CA10: variants seen among roughly 807,000 people sequenced by gnomAD.
CA10 encodes the protein carbonic anhydrase 10 (inactive), also known as carbonic anhydrase-related protein 10.
CA10 carries 14 observed loss-of-function variants against 44.2 expected under a neutral mutation model. That is an observed-to-expected ratio of 0.32 (90% confidence interval 0.21 to 0.50). The LOEUF (loss-of-function observed/expected upper bound fraction) is 0.50. Among genes scored for constraint, CA10 ranks in the 20% least tolerant of loss-of-function variants. CA10 has a pLI of 0.99. For missense variants in CA10, 350 were observed against 409.7 expected (o/e 0.85, Z 1.26); for synonymous variants, 159 against 141.6 (o/e 1.12, Z -0.87).
chr17:51,642,484 A>G (rs1423531966), intron 6 of CA10, among the ~76,000 whole-genome samples: 1 of 152,192 alleles, frequency 6.6e-6, no homozygotes, highest in African/African-American at 2.4e-5. Flanking sequence ...TGGGGGAAGT[A>G]AAGCAAAGTT....
chr17:51,861,839 C>T (rs1979324306), intron 3 of CA10, among the ~76,000 whole-genome samples: 1 of 152,132 alleles, frequency 6.6e-6, no homozygotes, highest in African/African-American at 2.4e-5. Flanking sequence ...TGACTAGACA[C>T]TTCAAAGGCT....
intron 3 of CA10, among the ~76,000 whole-genome samples, chr17:51,845,987 A>G (rs2143812912): frequency 6.6e-6 from 1 of 152,042 alleles, no homozygotes; most frequent in Non-Finnish European, 1.5e-5. Context: ...TATCTATGTG[A>G]ACAGCTGGTC....
At chr17:51,970,672 T>C (rs1336804882) in intron 2 of CA10, among the ~76,000 whole-genome samples, 1 of 152,114 alleles carries the variant, frequency 6.6e-6, no homozygotes, top group Non-Finnish European at 1.5e-5. Context: ...AATTCATCAG[T>C]CTTTCCAAGT....
intron 3 of CA10, among the ~76,000 whole-genome samples, chr17:51,913,738 C>T (rs1981880864): frequency 6.6e-6 from 1 of 152,072 alleles, no homozygotes; most frequent in South Asian, 2.1e-4. Flanking sequence ...CCCTGGGAGG[C>T]TGGGGTAAGC....
chr17:51,778,919 T>C (rs1390747543), intron 3 of CA10, among the ~76,000 whole-genome samples: 5 of 152,114 alleles, frequency 3.3e-5, no homozygotes, highest in Non-Finnish European at 7.4e-5. Context: ...GGGTCAGAGT[T>C]GGACCCAGGA....
rs188296426 is a variant in CA10, at chr17:51,815,122, G to A, written c.280-67304C>T. Among the ~76,000 whole-genome samples, 59 of 152,042 alleles carry A rather than the reference G, an allele frequency of 3.9e-4. 1 individual carries two copies. The highest frequency in any genetic ancestry group is 3.3e-3 in the Admixed American group (51 of 15,238). On this transcript the variant is annotated intron_variant, in intron 3 of 8. Transcript: ENST00000451037. ...GCAGCTCCACCCCCGCCTCCTGCCTGGGGACGTTTGAAAGTATCTGGGGAC... is the reference window on the plus strand; with the variant it reads ...GCAGCTCCACCCCCGCCTCCTGCCTAGGGACGTTTGAAAGTATCTGGGGAC...
chr17:51,865,296 G>C (rs1057305328), intron 3 of CA10, among the ~76,000 whole-genome samples: 3 of 152,128 alleles, frequency 2.0e-5, no homozygotes. Flanking sequence ...CTCCATGAAG[G>C]CAAGTGTTTT....
intron 2 of CA10, among the ~76,000 whole-genome samples, chr17:51,941,223 T>C (rs937264169): frequency 6.6e-6 from 1 of 152,126 alleles, no homozygotes; most frequent in Non-Finnish European, 1.5e-5. Context: ...AGAATTAAGA[T>C]GAATTAAGCT....
intron 3 of CA10, among the ~76,000 whole-genome samples, chr17:51,881,941 A>G (rs143559804): frequency 9.1e-4 from 139 of 152,308 alleles, no homozygotes; most frequent in Middle Eastern, 3.4e-3. Flanking sequence ...GCTTGCTCAC[A>G]TGCATAAAGA....
intron 3 of CA10, among the ~76,000 whole-genome samples, chr17:51,913,270 C>A (rs1981859709): frequency 6.6e-6 from 1 of 152,042 alleles, no homozygotes. Flanking sequence ...AGTGAGAATC[C>A]CCAGAAAAGC....
At chr17:52,132,546 G>T (rs977694625) in intron 1 of CA10, among the ~76,000 whole-genome samples, 3 of 152,210 alleles carry the variant, frequency 2.0e-5, no homozygotes, top group Non-Finnish European at 4.4e-5. Flanking sequence ...TAATTAGAAT[G>T]AAGACCAATA....
chr17:51,880,742 T>A (rs1980324740), intron 3 of CA10, among the ~76,000 whole-genome samples: 1 of 151,864 alleles, frequency 6.6e-6, no homozygotes, highest in Non-Finnish European at 1.5e-5. Flanking sequence ...ATCTGGTAAG[T>A]TTCAGTAATA....
chr17:51,831,564 G>A (rs551670454), intron 3 of CA10, among the ~76,000 whole-genome samples: 27 of 152,104 alleles, frequency 1.8e-4, no homozygotes, highest in Non-Finnish European at 3.7e-4. Flanking sequence ...GACTATCAAT[G>A]GCTCCAAGTA....
intron 4 of CA10, among the ~76,000 whole-genome samples, chr17:51,741,606 G>C (rs2143589290): frequency 6.6e-6 from 1 of 152,294 alleles, no homozygotes; most frequent in South Asian, 2.1e-4. Flanking sequence ...GGTTGACTGA[G>C]TTGTTGATTC....
At chr17:51,969,406 T>C (rs535187146) in intron 2 of CA10, among the ~76,000 whole-genome samples, 52 of 152,208 alleles carry the variant, frequency 3.4e-4, no homozygotes, top group African/African-American at 1.2e-3. Flanking sequence ...AATTTCACTG[T>C]GCGTCTGAGT....
At chr17:51,698,331 T>C (rs1396773925) in intron 4 of CA10, among the ~76,000 whole-genome samples, 1 of 152,182 alleles carries the variant, frequency 6.6e-6, no homozygotes, top group Non-Finnish European at 1.5e-5. Context: ...ACGAAACAAG[T>C]CTTCTTCAGT....
intron 2 of CA10, among the ~76,000 whole-genome samples, chr17:51,976,159 T>C (rs1173502873): frequency 6.6e-6 from 1 of 152,186 alleles, no homozygotes; most frequent in Non-Finnish European, 1.5e-5. Context: ...TCTCAAACTC[T>C]CAAAGTTTCT....
chr17:51,655,167 C>T (rs750492697), intron 4 of CA10, among the ~76,000 whole-genome samples: 4 of 152,170 alleles, frequency 2.6e-5, no homozygotes, highest in Admixed American at 6.5e-5. Context: ...ATATAGATCT[C>T]CCCAAGTCTT....
chr17:51,679,585 G>T (rs1364154712), intron 4 of CA10, among the ~76,000 whole-genome samples: 2 of 143,282 alleles, frequency 1.4e-5, no homozygotes, highest in African/African-American at 5.2e-5. Flanking sequence ...TTTTAAGACA[G>T]AGTCTTGCTT....
Sources: gnomAD v4.1 joint callset for allele counts (sites outside exome capture counted in the v4.1 genomes callset) on GRCh38, gnomAD v4.1.1 for gene constraint, MANE v1.5 for transcripts, NCBI Gene and HGNC (gene_info 2026-07-23, HGNC 2026-07-21) for gene names.